The following FOXJ3 variants were observed in gnomAD, a reference collection of about 807,000 sequenced individuals.
FOXJ3 encodes the protein forkhead box J3, also known as forkhead box protein J3.
Under a neutral mutation model 76.1 loss-of-function variants are expected in FOXJ3, and 22 were observed. The ratio of observed to expected loss-of-function variants is 0.29; its 90% CI spans 0.21 to 0.41. FOXJ3 has a LOEUF of 0.41. Ranked by LOEUF, FOXJ3 falls within the 10% of genes least tolerant of loss-of-function variation. The pLI is 1.00. For synonymous variants in FOXJ3, 269 were observed against 261.2 expected (o/e 1.03, Z -0.29); for missense variants, 613 against 762.1 (o/e 0.80, Z 2.30).
chr1:42,248,062 T>C (rs1355532447), intron 4 of FOXJ3, among the ~76,000 whole-genome samples: 1 of 152,144 alleles, frequency 6.6e-6, no homozygotes, highest in African/African-American at 2.4e-5. Flanking sequence ...AATAGGCAAA[T>C]TCACAGAAAC....
intron 2 of FOXJ3, among the ~76,000 whole-genome samples, chr1:42,306,542 T>C (rs541853537): frequency 5.1e-4 from 77 of 152,198 alleles, no homozygotes; most frequent in African/African-American, 1.8e-3. Context: ...GACCTCGTGA[T>C]CCGCCCACCT....
At chr1:42,210,458 C>G (rs1646946306) in intron 5 of FOXJ3, among the ~76,000 whole-genome samples, 1 of 152,160 alleles carries the variant, frequency 6.6e-6, no homozygotes, top group South Asian at 2.1e-4. Context: ...CTTTTGCAAG[C>G]ATCACCTCTT....
intron 1 of FOXJ3, among the ~76,000 whole-genome samples, chr1:42,325,453 TA>T (rs1340137679): frequency 6.6e-6 from 1 of 152,146 alleles, no homozygotes; most frequent in Non-Finnish European, 1.5e-5. Flanking sequence ...TCTCCCAAAC[TA>T]AAAGCTGTAG....
intron 5 of FOXJ3, among the ~76,000 whole-genome samples, chr1:42,212,984 T>G (rs1188476416): frequency 1.2e-5 from 1 of 86,740 alleles, no homozygotes; most frequent in African/African-American, 3.7e-5. Context: ...AAAAAAAAAC[T>G]AAGTTTCATA....
intron 5 of FOXJ3, among the ~76,000 whole-genome samples, chr1:42,214,120 G>T (rs1329114876): frequency 6.6e-6 from 1 of 152,114 alleles, no homozygotes; most frequent in Non-Finnish European, 1.5e-5. Flanking sequence ...GCTTTGGTAT[G>T]AGGCACTGTA....
rs377015006 is a variant in FOXJ3, at chr1:42,227,937, C to T, written c.474G>A (p.Pro158=). Residue 158 remains proline (P), a synonymous_variant, in exon 5 of 13, where the codon CCG becomes CCA. Transcript: ENST00000361346. ...KGSYWAIDTN[P]KEDVLPTRPK... is the part of the protein sequence containing the mutation. ...GCCGAGTAGGCAGCACATCTTCCTT[C>T]GGATTGGTGTCTATTGCCCAGTAGG... is the stretch of plus-strand genomic sequence containing the variant. 25 of 1,573,358 alleles carry T rather than the reference C, an allele frequency of 1.6e-5. No individual in the cohort carries two copies. The highest frequency in any genetic ancestry group is 5.4e-5 in the African/African-American group (4 of 74,508).
intron 12 of FOXJ3, 85 bp from the exon 13 acceptor site, chr1:42,179,910 A>G: frequency 1.2e-6 from 1 of 825,694 alleles, no homozygotes; most frequent in Non-Finnish European, 2.1e-6. Context: ...TACTTCCTAT[A>G]TGCCAGGCAC....
intron 5 of FOXJ3, among the ~76,000 whole-genome samples, chr1:42,218,777 A>C (rs1186726267): frequency 6.6e-6 from 1 of 152,188 alleles, no homozygotes; most frequent in East Asian, 1.9e-4. Context: ...AAAGCCCTGC[A>C]CAATTTGCCT....
chr1:42,312,788 C>T (rs1301462383), intron 1 of FOXJ3, among the ~76,000 whole-genome samples: 2 of 152,212 alleles, frequency 1.3e-5, no homozygotes, highest in African/African-American at 2.4e-5. Flanking sequence ...GATGCAACAA[C>T]GTTCAGATCT....
chr1:42,332,693 C>G (rs1656232007), intron 1 of FOXJ3, among the ~76,000 whole-genome samples: 1 of 152,130 alleles, frequency 6.6e-6, no homozygotes, highest in Non-Finnish European at 1.5e-5. Flanking sequence ...CATCAATACC[C>G]CCTCACCAAT....
chr1:42,182,059 G>T, intron 11 of FOXJ3, 35 bp from the exon 12 acceptor site: 1 of 1,211,564 alleles, frequency 8.3e-7, no homozygotes, highest in Non-Finnish European at 1.2e-6. Context: ...GGGAAAACAT[G>T]TTACCACAAA....
intron 2 of FOXJ3, among the ~76,000 whole-genome samples, chr1:42,294,037 T>C (rs899485089): frequency 6.6e-6 from 1 of 152,242 alleles, no homozygotes; most frequent in African/African-American, 2.4e-5. Context: ...GTATTCAATA[T>C]ATATTTGTCA....
At chr1:42,302,851 GAT>G (rs781771420) in intron 2 of FOXJ3, among the ~76,000 whole-genome samples, 10 of 150,430 alleles carry the variant, frequency 6.6e-5, no homozygotes, top group South Asian at 2.1e-4. Flanking sequence ...TATTACCTCT[GAT>G]ATATGATTCC....
chr1:42,190,782 A>G (rs1316902232), intron 9 of FOXJ3, among the ~76,000 whole-genome samples: 1 of 152,234 alleles, frequency 6.6e-6, no homozygotes, highest in East Asian at 1.9e-4. Flanking sequence ...TTTAATAAAT[A>G]GTGACCTGGC....
At chr1:42,236,754 A>C (rs1182009809) in intron 4 of FOXJ3, among the ~76,000 whole-genome samples, 1 of 152,196 alleles carries the variant, frequency 6.6e-6, no homozygotes, top group Non-Finnish European at 1.5e-5. Flanking sequence ...TCAAACTGTG[A>C]AACTATTTTC....
At chr1:42,293,517 A>C (rs972897244) in intron 2 of FOXJ3, among the ~76,000 whole-genome samples, 7 of 152,158 alleles carry the variant, frequency 4.6e-5, no homozygotes, top group Non-Finnish European at 8.8e-5. Context: ...CAATAATAAT[A>C]ATCCTCCTTC....
At chr1:42,211,718 T>C (rs1020333952) in intron 5 of FOXJ3, among the ~76,000 whole-genome samples, 3 of 152,170 alleles carry the variant, frequency 2.0e-5, no homozygotes, top group African/African-American at 7.2e-5. Context: ...CTGGAGATAG[T>C]GAGCCTGCTC....
At chr1:42,291,249 T>C (rs1653419056) in intron 2 of FOXJ3, among the ~76,000 whole-genome samples, 1 of 152,138 alleles carries the variant, frequency 6.6e-6, no homozygotes, top group African/African-American at 2.4e-5. Flanking sequence ...CATAAAAATC[T>C]GAAAAATGAA....
At position 42,304,124 on chromosome 1, in the gene FOXJ3, G is replaced by A. The variant is rs192607568; in HGVS notation, c.44+6926C>T. ...TCTATATGCCAAGAGTGAACAATCC[G>A]AAAAAGAAATCAAGAAAGTAATCTC... On this transcript the variant is annotated intron_variant, in intron 2 of 12. Coordinates refer to ENST00000361346, the MANE Select transcript of FOXJ3 (RefSeq NM_014947.5). Among the ~76,000 whole-genome samples the A allele has an allele frequency of 4.6e-5, 7 of 151,736 alleles. No homozygotes were observed. The East Asian group carries it at 9.7e-4, about 21-fold the overall frequency.
Sources: allele counts gnomAD v4.1 joint callset (sites outside exome capture counted in the v4.1 genomes callset), GRCh38; gene constraint gnomAD v4.1.1; transcripts MANE v1.5; gene names NCBI Gene and HGNC (gene_info 2026-07-23, HGNC 2026-07-21).